Variants in DNAH10 observed in about 807,000 individuals in gnomAD.
DNAH10 encodes the protein axonemal beta dynein heavy chain 10.
Under a neutral mutation model 506.6 loss-of-function variants are expected in DNAH10, and 348 were observed. The ratio of observed to expected loss-of-function variants is 0.69; its 90% CI spans 0.63 to 0.75. DNAH10 has a LOEUF of 0.75. DNAH10 is among the 30% of genes least tolerant of loss of function. The pLI is 0.00. For synonymous variants in DNAH10, 2,059 were observed against 2,198.6 expected (o/e 0.94, Z 1.78); for missense variants, 5,179 against 5,787.1 (o/e 0.89, Z 3.41).
intron 56 of DNAH10, among the ~76,000 whole-genome samples, chr12:123,899,880 G>A (rs796276330): frequency 4.6e-5 from 7 of 152,280 alleles, no homozygotes; most frequent in African/African-American, 1.7e-4. Flanking sequence ...AGCTTCTGTT[G>A]CTTGCAACCA....
intron 36 of DNAH10, among the ~76,000 whole-genome samples, chr12:123,856,158 AAATAT>A (rs996378314): frequency 2.7e-5 from 4 of 147,236 alleles, no homozygotes; most frequent in Non-Finnish European, 6.0e-5. Flanking sequence ...TAAATAATAC[AAATAT>A]AATTAATTTA....
At chr12:123,865,340 C>T (rs1431610374) in intron 40 of DNAH10, among the ~76,000 whole-genome samples, 1 of 152,036 alleles carries the variant, frequency 6.6e-6, no homozygotes, top group Non-Finnish European at 1.5e-5. Context: ...TCTCCAAAGC[C>T]CTCTATCTCT....
intron 7 of DNAH10, 91 bp downstream of exon 7, chr12:123,783,355 G>C (rs955463799): frequency 4.1e-6 from 6 of 1,469,308 alleles, no homozygotes; most frequent in Non-Finnish European, 5.6e-6. Context: ...GCATCATCTG[G>C]CATCTTTTCT....
At chr12:123,833,513 G>A (rs193123458) in intron 27 of DNAH10, among the ~76,000 whole-genome samples, 166 bp downstream of exon 27, 9 of 152,314 alleles carry the variant, frequency 5.9e-5, no homozygotes, top group African/African-American at 2.2e-4. Context: ...GGACAAGAGT[G>A]CATGATCAAA....
At chr12:123,807,893 G>GAAC (rs1958752956) in intron 18 of DNAH10, among the ~76,000 whole-genome samples, 1 of 143,946 alleles carries the variant, frequency 6.9e-6, no homozygotes, top group African/African-American at 2.7e-5. Context: ...GGAGAGAGAG[G>GAAC]TGAAGAGAGA....
chr12:123,929,261 C>G lies in DNAH10; in HGVS notation c.12307-14C>G. The stretch of plus-strand genomic sequence containing the variant: ...TGCGGTCTCCATCACTGTGTGTTTT[C>G]TTCTCTTCTGAAGGTTGTCACCGAG... On this transcript the variant is annotated splice_polypyrimidine_tract_variant and intron_variant, in intron 70 of 78. Coordinates refer to ENST00000673944, the MANE Select transcript of DNAH10 (RefSeq NM_001372106.1). The G allele has an allele frequency of 6.4e-7, 1 of 1,573,770 alleles. No homozygotes were observed. The highest frequency in any genetic ancestry group is 8.6e-7 in the Non-Finnish European group (1 of 1,159,668).
intron 2 of DNAH10, among the ~76,000 whole-genome samples, chr12:123,769,443 T>C (rs561918287): frequency 9.4e-4 from 143 of 152,154 alleles, no homozygotes; most frequent in African/African-American, 3.4e-3. Context: ...TCCCAAAGTG[T>C]TGGGATTACA....
intron 21 of DNAH10, among the ~76,000 whole-genome samples, chr12:123,814,716 G>A (rs771742105): frequency 2.0e-5 from 3 of 147,584 alleles, no homozygotes; most frequent in Non-Finnish European, 4.4e-5. Flanking sequence ...CCAGGTTCAC[G>A]CCATTCTCCT....
rs1957924253 is a variant in DNAH10 at position 123,787,921 on chromosome 12, G to T, written c.1539G>T (p.Arg513=). Reference sequence around the variant, plus strand: ...TAGAGGCTTCGGGGAGGGAAGATCGGTGGGAGTTTGACCGGAAGCGGCTGT... The same window carrying T: ...TAGAGGCTTCGGGGAGGGAAGATCGTTGGGAGTTTGACCGGAAGCGGCTGT... ...AKIEASGRED[R]WEFDRKRLFE... The change falls in exon 10 of 79, where the codon CGG becomes CGT. Residue 513 remains arginine (R), a synonymous_variant. Coordinates refer to ENST00000673944, the MANE Select transcript of DNAH10 (RefSeq NM_001372106.1). The surrounding 1 kb of genome is among the most constrained non-coding windows in gnomAD (Gnocchi z 4.6). The T allele has an allele frequency of 6.2e-7, 1 of 1,610,020 alleles. No individual in the cohort carries two copies. The highest frequency in any genetic ancestry group is 1.3e-5 in the African/African-American group (1 of 75,048).
In DNAH10 at chr12:123,861,048, C is replaced by T; in HGVS notation, c.6786C>T (p.Pro2262=). 6.2e-7 allele frequency: 1 copy of T among 1,613,952 alleles called. No homozygotes were observed. Among genetic ancestry groups the T allele is most frequent in the Non-Finnish European group, 8.5e-7 (1 of 1,179,882 alleles). Residue 2262 remains proline, a synonymous_variant, in exon 39 of 79, where the codon CCC becomes CCT. Coordinates refer to ENST00000673944, the MANE Select transcript of DNAH10 (RefSeq NM_001372106.1). ...GLTTKLYILN[P]KAVSVIELYG... ...CGACAAAGTTGTACATCCTGAACCC[C>T]AAAGCCGTGAGTGTCATAGAACTCT...
chr12:123,859,633 C>T (rs572162595), intron 38 of DNAH10, among the ~76,000 whole-genome samples: 3 of 152,108 alleles, frequency 2.0e-5, no homozygotes, highest in Admixed American at 6.5e-5. Flanking sequence ...GCTGTGGTTT[C>T]GCAGTGGCCA....
intron 1 of DNAH10, among the ~76,000 whole-genome samples, chr12:123,767,265 A>G (rs1008632436): frequency 3.9e-5 from 6 of 152,180 alleles, no homozygotes; most frequent in Non-Finnish European, 7.3e-5. Context: ...CATCTTAACC[A>G]TTTTGAAATG....
At chr12:123,931,518 C>T (rs369730828) in intron 74 of DNAH10, 46 bp downstream of exon 74, 31 of 1,607,190 alleles carry the variant, frequency 1.9e-5, no homozygotes, top group Admixed American at 5.1e-5. Flanking sequence ...TGGGGTTTTA[C>T]GATTGCTTCT....
intron 56 of DNAH10, among the ~76,000 whole-genome samples, chr12:123,901,652 T>A (rs1045103141): frequency 1.8e-4 from 28 of 152,348 alleles, no homozygotes; most frequent in African/African-American, 5.5e-4. Flanking sequence ...TTTATTTTTT[T>A]AAATTAATTA....
intron 6 of DNAH10, among the ~76,000 whole-genome samples, chr12:123,781,649 A>G (rs541428287): frequency 6.6e-6 from 1 of 152,248 alleles, no homozygotes; most frequent in East Asian, 1.9e-4. Context: ...TATTTTTAAT[A>G]GAGACGGGGT....
In DNAH10 at chr12:123,930,512, C is replaced by T; in HGVS notation, c.12723C>T (p.Phe4241=). ...FIFDTFQPFH[F]FRNKEVDYKI... is the part of the protein sequence containing the mutation. Reference sequence around the variant, plus strand: ...TTGATACTTTCCAGCCATTCCACTTCTTCCGGAACAAGGAAGTGGACTACA... The same window carrying T: ...TTGATACTTTCCAGCCATTCCACTTTTTCCGGAACAAGGAAGTGGACTACA... Residue 4241 remains phenylalanine, a synonymous_variant, in exon 73 of 79, where the codon TTC becomes TTT. Transcript: ENST00000673944. The T allele has an allele frequency of 2.5e-6, 4 of 1,610,190 alleles. No individual in the cohort carries two copies. Among genetic ancestry groups the T allele is most frequent in the Non-Finnish European group, 3.4e-6 (4 of 1,178,806 alleles).
At chr12:123,879,848 A>G (rs1420880252) in intron 50 of DNAH10, 47 bp downstream of exon 50, 2 of 1,596,756 alleles carry the variant, frequency 1.3e-6, no homozygotes, top group Non-Finnish European at 1.7e-6. Flanking sequence ...TCTCCTGAGC[A>G]TGGGCCAAGC....
chr12:123,834,185 A>G (rs1960883680), intron 27 of DNAH10, among the ~76,000 whole-genome samples: 1 of 152,162 alleles, frequency 6.6e-6, no homozygotes, highest in Non-Finnish European at 1.5e-5. Context: ...TGTGGGATAT[A>G]GCACTGTTTT....
In DNAH10 at chr12:123,871,494, G is replaced by T. The variant is rs1020649098; in HGVS notation, c.7677G>T (p.Leu2559Phe). ...TVDTTRTTWI[L>F]EQMVKIKQPV... ...ATACCACTCGGACTACCTGGATATT[G>T]GAACAAATGGTTAAAATTAAGCAAC... Residue 2559 changes from leucine to phenylalanine, a missense_variant, in exon 45 of 79, where the codon TTG becomes TTT. Physicochemically the swap from Leu to Phe is conservative, Grantham distance 22. Around this residue, in one of 3 missense-constraint regions of DNAH10, gnomAD observed 4,844 missense variants for 5,430.5 expected, o/e 0.89. Coordinates refer to ENST00000673944, the MANE Select transcript of DNAH10 (RefSeq NM_001372106.1). The T allele has an allele frequency of 2.0e-5, 32 of 1,575,148 alleles. No individual in the cohort carries two copies. Among genetic ancestry groups the T allele is most frequent in the Non-Finnish European group, 2.6e-5 (30 of 1,158,846 alleles).
Sources: gnomAD v4.1 joint callset for allele counts (sites outside exome capture counted in the v4.1 genomes callset) on GRCh38, gnomAD v4.1.1 for gene constraint, gnomAD v4.1.1 regional missense constraint, Gnocchi (gnomAD v3.1) non-coding constraint, MANE v1.5 for transcripts, NCBI Gene and HGNC (gene_info 2026-07-23, HGNC 2026-07-21) for gene names.